Variants in SLC2A4RG observed in about 807,000 individuals in gnomAD.
SLC2A4RG encodes the protein GLUT4 enhancer factor.
A neutral mutation model predicts 35.5 loss-of-function variants in SLC2A4RG; 23 were observed. The ratio of observed to expected loss-of-function variants is 0.65; its 90% CI spans 0.47 to 0.92. The LOEUF (loss-of-function observed/expected upper bound fraction) is 0.92, where lower values mean the gene tolerates loss of function less well. SLC2A4RG is among the 40% of genes least tolerant of loss of function. SLC2A4RG has a pLI of 0.00. For synonymous variants in SLC2A4RG, 306 were observed against 243.7 expected, an observed-to-expected ratio of 1.26 and a Z score of -2.38; for missense variants, 539 against 525.0, an observed-to-expected ratio of 1.03 and a Z score of -0.26.
At position 63,742,452 on chromosome 20, in the gene SLC2A4RG, C is replaced by A; in HGVS notation, c.797C>A (p.Thr266Lys). 6.2e-7 allele frequency: 1 copy of A among 1,600,494 alleles called. No homozygotes were observed. Among genetic ancestry groups the A allele is most frequent in the South Asian group, 1.1e-5 (1 of 89,412 alleles). ...TCCAGCCTGACTCCAGTGTCCCCCA[C>A]GGCCTCCATGCCGCCTGCCTTCCCC... The part of the protein sequence containing the change: ...GLSSLTPVSP[T>K]ASMPPAFPRL... Residue 266 changes from threonine (T) to lysine (K), a missense_variant, in exon 6 of 8, where the codon ACG (threonine) becomes AAG (lysine). Transcript: ENST00000266077.
Position 63,742,221 on chromosome 20 carries a change from T to G in SLC2A4RG, c.671T>G (p.Val224Gly). ...ASAMQRHIRL[V>G]HLGRQAEPEQ... is the part of the protein sequence containing the mutation. Reference sequence around the variant, plus strand: ...GCGATGCAGAGACACATCCGCCTGGTGCACCTGGGGTGCGGCGGGGCCTGG... The same window carrying G: ...GCGATGCAGAGACACATCCGCCTGGGGCACCTGGGGTGCGGCGGGGCCTGG... Residue 224 changes from valine to glycine, a missense_variant, in exon 5 of 8, where the codon GTG becomes GGG. Transcript: ENST00000266077. 3.8e-6 allele frequency: 6 copies of G among 1,596,088 alleles called. No individual in the cohort carries two copies. Among genetic ancestry groups the G allele is most frequent in the Non-Finnish European group, 5.1e-6 (6 of 1,171,776 alleles).
Position 63,743,056 on chromosome 20 carries a change from GAAACA to G in SLC2A4RG, c.*67_*71del. 8.8e-7 allele frequency: 1 copy of G among 1,138,030 alleles called. No homozygotes were observed. 70.5% of individuals were successfully genotyped at this position (1,138,030 alleles called of 1,614,324 possible). On this transcript the variant is annotated 3_prime_UTR_variant, in exon 8 of 8. Transcript: ENST00000266077. Reference sequence around the variant, plus strand: ...CCCCACCCCCTCCAGGCCCGGGGCTGAAACAGCCCGAGGACAGCCCCAGGGGCTGG... The same window carrying G: ...CCCCACCCCCTCCAGGCCCGGGGCTGGCCCGAGGACAGCCCCAGGGGCTGG...
rs1177420009 is a variant in SLC2A4RG, at chr20:63,743,246, GC to G, written c.*260del. On this transcript the variant is annotated 3_prime_UTR_variant, in exon 8 of 8. Coordinates refer to ENST00000266077, the MANE Select transcript of SLC2A4RG (RefSeq NM_020062.4). Reference sequence around the variant, plus strand: ...GCCAAACCACACCGCTGTCCCCTTAGCCCCAAGGGCCCTGGGGGCAGCCACC... The same window carrying G: ...GCCAAACCACACCGCTGTCCCCTTAGCCCAAGGGCCCTGGGGGCAGCCACC... 2 of 361,226 alleles carry G rather than the reference GC, an allele frequency of 5.5e-6. No individual in the cohort carries two copies. The highest frequency in any genetic ancestry group is 4.1e-5 in the African/African-American group (2 of 48,372). The allele number at this position is 361,226 out of a possible 1,614,324, so 22.4% of individuals were successfully genotyped here. A position where few individuals can be genotyped will look rare whatever the true frequency, so the allele number is the denominator to read the frequency against.
chr20:63,741,239 C>G, intron 2 of SLC2A4RG, 131 bp from the exon 3 acceptor site: 1 of 813,726 alleles, frequency 1.2e-6, no homozygotes, highest in Non-Finnish European at 2.0e-6. Flanking sequence ...GGGGAGGAGC[C>G]AGGCCTCATG....
At position 63,741,954 on chromosome 20, in the gene SLC2A4RG, G is replaced by T. The variant is rs953562648; in HGVS notation, c.477G>T (p.Trp159Cys). 1.2e-6 allele frequency: 2 copies of T among 1,612,804 alleles called. No individual in the cohort carries two copies. The highest frequency in any genetic ancestry group is 2.7e-5 in the African/African-American group (2 of 74,940). ...GCAGCAACAGTGGAGACTGGGGATG[G>T]GACCTGGCCAGTGACCAGTCCTCTC... ...SSSSNSGDWG[W>C]DLASDQSSPS... The change falls in exon 4 of 8, where the codon TGG becomes TGT. Residue 159 changes from tryptophan to cysteine, a missense_variant. Physicochemically the swap from Trp to Cys is radical, Grantham distance 215. Coordinates refer to ENST00000266077, the MANE Select transcript of SLC2A4RG (RefSeq NM_020062.4).
chr20:63,740,354 G>C (rs1384101448), intron 1 of SLC2A4RG, 23 bp from the exon 2 acceptor site: 50 of 1,224,792 alleles, frequency 4.1e-5, no homozygotes, highest in Non-Finnish European at 5.1e-5. Context: ...CCTCCGCTGA[G>C]TCTGCCCCCT....
rs376262034 is a variant in SLC2A4RG, at chr20:63,742,090, G to C, written c.579+34G>C. 6.8e-6 allele frequency: 11 copies of C among 1,607,074 alleles called. No individual in the cohort carries two copies. In the Admixed American group the frequency reaches 8.4e-5, roughly 12 times the overall value. ...GGGGGCGGCCCCCAGGGAGGGGCGG[G>C]TGTGGCGGCTGAGCCTGACCCTGGC... On this transcript the variant is annotated intron_variant, in intron 4 of 7. Transcript: ENST00000266077.
At chr20:63,740,120 C>A in intron 1 of SLC2A4RG, 82 bp downstream of exon 1, 1 of 720,866 alleles carries the variant, frequency 1.4e-6, no homozygotes, top group Non-Finnish European at 1.7e-6. Context: ...AACTTCGGGC[C>A]CCCGGGGGCG....
chr20:63,741,940 G>A lies in SLC2A4RG; in HGVS notation c.463G>A (p.Gly155Arg). 1 of 1,612,688 alleles carries A rather than the reference G, an allele frequency of 6.2e-7. No individual in the cohort carries two copies. The change falls in exon 4 of 8, where the codon GGA (glycine) becomes AGA (arginine). Residue 155 changes from glycine (G) to arginine (R), a missense_variant. Coordinates refer to ENST00000266077, the MANE Select transcript of SLC2A4RG (RefSeq NM_020062.4). ...CAGCTACAGCAGCAGCAGCAACAGT[G>A]GAGACTGGGGATGGGACCTGGCCAG... ...PGSYSSSSNS[G>R]DWGWDLASDQ...
In SLC2A4RG at chr20:63,743,161, G is replaced by C. The variant is rs924123121; in HGVS notation, c.*171G>C. 1.1e-5 allele frequency: 6 copies of C among 569,108 alleles called. No homozygotes were observed. Among genetic ancestry groups the C allele is most frequent in the Non-Finnish European group, 1.9e-5 (6 of 322,850 alleles). 35.3% of individuals were successfully genotyped at this position (569,108 alleles called of 1,614,324 possible). A position where few individuals can be genotyped will look rare whatever the true frequency, so the allele number is the denominator to read the frequency against. Reference sequence around the variant, plus strand: ...TGACCCTGAACCCTCCCCCCCGCCAGGTCGGGGAGGGGTCCCACCACTCAA... The same window carrying C: ...TGACCCTGAACCCTCCCCCCCGCCACGTCGGGGAGGGGTCCCACCACTCAA... On this transcript the variant is annotated 3_prime_UTR_variant, in exon 8 of 8. Transcript: ENST00000266077.
Position 63,741,465 on chromosome 20 carries a change from C to G in SLC2A4RG, c.377C>G (p.Ala126Gly). The G allele has an allele frequency of 6.2e-7, 1 of 1,613,230 alleles. No homozygotes were observed. Among genetic ancestry groups the G allele is most frequent in the Non-Finnish European group, 8.5e-7 (1 of 1,179,766 alleles). The change falls in exon 3 of 8, where the codon GCA becomes GGA. Residue 126 changes from alanine (A) to glycine (G), a missense_variant. Transcript: ENST00000266077. ...CCTCTCCTTCTGGGGGCCCCGGTTG[C>G]AGCCTTCAGCCCAGGTAAGACTCAG... ...TSPLLLGAPV[A>G]AFSPEPGLEP...
In SLC2A4RG at chr20:63,743,424, G is replaced by C. The variant is rs2092056212; in HGVS notation, c.*434G>C. ...CGGGCCCTGGGGCTGTTTTTACCAT[G>C]TTTGTTTTTGAAGCTCAGGTGTCTC... On this transcript the variant is annotated 3_prime_UTR_variant, in exon 8 of 8. Transcript: ENST00000266077. The C allele has an allele frequency of 6.3e-6, 1 of 159,886 alleles. No homozygotes were observed. Among genetic ancestry groups the C allele is most frequent in the Non-Finnish European group, 1.4e-5 (1 of 72,292 alleles). 9.9% of individuals were successfully genotyped at this position (159,886 alleles called of 1,614,324 possible).
chr20:63,740,641 AC>A, intron 2 of SLC2A4RG, 110 bp downstream of exon 2: 1 of 1,075,810 alleles, frequency 9.3e-7, no homozygotes, highest in Non-Finnish European at 1.2e-6. Context: ...GTTTGTAATT[AC>A]CAGCCACCCC....
In SLC2A4RG at chr20:63,740,391, C is replaced by T; in HGVS notation, c.141C>T (p.Gly47=). Residue 47 remains glycine (G), a synonymous_variant, in exon 2 of 8, where the codon GGC becomes GGT. Coordinates refer to ENST00000266077, the MANE Select transcript of SLC2A4RG (RefSeq NM_020062.4). ...VPTPPQGSSV[G]GGFAGLEFAR... ...CCCATCCGCAGGGCTCTTCCGTGGG[C>T]GGCGGCTTCGCGGGCTTGGAGTTCG... The T allele has an allele frequency of 2.4e-6, 3 of 1,228,782 alleles. No homozygotes were observed. Among genetic ancestry groups the T allele is most frequent in the Non-Finnish European group, 3.0e-6 (3 of 985,122 alleles). 76.1% of individuals were successfully genotyped at this position (1,228,782 alleles called of 1,614,324 possible). A position where few individuals can be genotyped will look rare whatever the true frequency, so the allele number is the denominator to read the frequency against.
At chr20:63,740,931 T>A (rs2092038271) in intron 2 of SLC2A4RG, among the ~76,000 whole-genome samples, 1 of 152,126 alleles carries the variant, frequency 6.6e-6, no homozygotes, top group Non-Finnish European at 1.5e-5. Flanking sequence ...CCTGGGGAGC[T>A]GCCCGTGCTT....
chr20:63,742,216 C>A lies in SLC2A4RG; in HGVS notation c.666C>A (p.Arg222=). 6.3e-7 allele frequency: 1 copy of A among 1,595,700 alleles called. No individual in the cohort carries two copies. ...CGTCGGCGATGCAGAGACACATCCG[C>A]CTGGTGCACCTGGGGTGCGGCGGGG... is the stretch of plus-strand genomic sequence containing the variant. The part of the protein sequence containing the change: ...STASAMQRHI[R]LVHLGRQAEP... The change falls in exon 5 of 8, where the codon CGC becomes CGA. Residue 222 remains arginine, a synonymous_variant. Coordinates refer to ENST00000266077, the MANE Select transcript of SLC2A4RG (RefSeq NM_020062.4).
At chr20:63,740,638 A>G (rs1363698857) in intron 2 of SLC2A4RG, 107 bp downstream of exon 2, 1 of 1,100,466 alleles carries the variant, frequency 9.1e-7, no homozygotes, top group Non-Finnish European at 1.1e-6. Context: ...CAGGTTTGTA[A>G]TTACCAGCCA....
At chr20:63,740,314 G>C in intron 1 of SLC2A4RG, 63 bp from the exon 2 acceptor site, 1 of 1,096,606 alleles carries the variant, frequency 9.1e-7, no homozygotes, top group African/African-American at 1.6e-5. Context: ...CCGCGGCGGA[G>C]GTTGAGGGAC....
At chr20:63,742,311 C>T in intron 5 of SLC2A4RG, 25 bp from the exon 6 acceptor site, 1 of 1,604,800 alleles carries the variant, frequency 6.2e-7, no homozygotes, top group Non-Finnish European at 8.5e-7. Context: ...CTTCAGCTCC[C>T]ACTGGCTGGC....
Sources: gnomAD v4.1 joint callset for allele counts (sites outside exome capture counted in the v4.1 genomes callset) on GRCh38, gnomAD v4.1.1 for gene constraint, MANE v1.5 for transcripts, NCBI Gene and HGNC (gene_info 2026-07-23, HGNC 2026-07-21) for gene names.